GSTCD: variants seen among roughly 807,000 people sequenced by gnomAD.
GSTCD encodes glutathione S-transferase C-terminal domain containing.
GSTCD carries 44 observed loss-of-function variants against 68.3 expected under a neutral mutation model. The observed-to-expected ratio is 0.64, with a 90% CI of 0.51 to 0.83. The LOEUF (loss-of-function observed/expected upper bound fraction) is 0.83. Among genes scored for constraint, GSTCD ranks in the 40% least tolerant of loss-of-function variants. GSTCD has a pLI of 0.00. For synonymous variants in GSTCD, 273 were observed against 255.2 expected (o/e 1.07, Z -0.67); for missense variants, 739 against 735.9 (o/e 1.00, Z -0.05).
At chr4:105,813,394 C>T (rs1267309520) in intron 5 of GSTCD, among the ~76,000 whole-genome samples, 1 of 152,104 alleles carries the variant, frequency 6.6e-6, no homozygotes, top group Non-Finnish European at 1.5e-5. Context: ...AAATTCCATG[C>T]ATAAGTACTT....
At chr4:105,719,691 A>G in intron 3 of GSTCD, 164 bp downstream of exon 3, 1 of 586,778 alleles carries the variant, frequency 1.7e-6, no homozygotes, top group South Asian at 2.2e-5. Context: ...AATAGTACCT[A>G]TCTAAAAGGA....
chr4:105,748,885 A>C (rs1382383031), intron 5 of GSTCD, among the ~76,000 whole-genome samples: 1 of 152,060 alleles, frequency 6.6e-6, no homozygotes, highest in Non-Finnish European at 1.5e-5. Context: ...TACTGGGCAA[A>C]ATTGTCCATT....
intron 5 of GSTCD, chr4:105,820,604 A>G (rs1723237535): frequency 6.6e-6 from 1 of 152,000 alleles, no homozygotes; most frequent in Non-Finnish European, 1.5e-5. Context: ...TTATAAAACT[A>G]GAACGGGGAA....
intron 5 of GSTCD, among the ~76,000 whole-genome samples, chr4:105,773,237 T>C (rs1014728114): frequency 6.6e-6 from 1 of 152,168 alleles, no homozygotes; most frequent in Non-Finnish European, 1.5e-5. Flanking sequence ...TCTGTTTGAT[T>C]CTTCTCACTT....
chr4:105,715,093 A>AG (rs1160262901), intron 1 of GSTCD, among the ~76,000 whole-genome samples: 1 of 152,268 alleles, frequency 6.6e-6, no homozygotes, highest in African/African-American at 2.4e-5. Flanking sequence ...TGAAACACTT[A>AG]GGGGTGAGTC....
At chr4:105,775,159 T>C (rs1293002559) in intron 5 of GSTCD, among the ~76,000 whole-genome samples, 1 of 152,180 alleles carries the variant, frequency 6.6e-6, no homozygotes, top group African/African-American at 2.4e-5. Flanking sequence ...ATTGATACTT[T>C]TTTATGCGTC....
At chr4:105,833,052 A>C (rs1723957646) in intron 8 of GSTCD, among the ~76,000 whole-genome samples, 1 of 152,188 alleles carries the variant, frequency 6.6e-6, no homozygotes, top group South Asian at 2.1e-4. Context: ...GTAAGTCTAG[A>C]AGGAGGAGGA....
At chr4:105,829,470 C>T (rs1437404282) in intron 8 of GSTCD, among the ~76,000 whole-genome samples, 1 of 152,130 alleles carries the variant, frequency 6.6e-6, no homozygotes, top group Non-Finnish European at 1.5e-5. Flanking sequence ...ATTCACAGTT[C>T]CACATGGCTA....
intron 5 of GSTCD, among the ~76,000 whole-genome samples, chr4:105,765,647 C>G (rs938154531): frequency 6.6e-6 from 1 of 152,192 alleles, no homozygotes; most frequent in African/African-American, 2.4e-5. Flanking sequence ...TATGGCCTGG[C>G]TCTGTGTCCC....
At chr4:105,817,006 A>C (rs1368266576) in intron 5 of GSTCD, among the ~76,000 whole-genome samples, 3 of 152,108 alleles carry the variant, frequency 2.0e-5, no homozygotes, top group East Asian at 1.9e-4. Flanking sequence ...TCATATAAGC[A>C]GAAAGTATCC....
intron 2 of GSTCD, among the ~76,000 whole-genome samples, chr4:105,718,654 A>T (rs1176317834): frequency 6.6e-6 from 1 of 152,238 alleles, no homozygotes; most frequent in Non-Finnish European, 1.5e-5. Flanking sequence ...TTTAAGTCTT[A>T]ATTTATAAAG....
Position 105,743,320 on chromosome 4 carries a change from GT to G in GSTCD, c.1240+13829del, listed in dbSNP as rs78204927. On this transcript the variant is annotated intron_variant, in intron 5 of 11. Transcript: ENST00000515279. ...ATACGCTATAATTATTTATGTACAT[GT>G]TTTTTTTCTTCAATAGACTGTGAAC... is the stretch of plus-strand genomic sequence containing the variant. 1.8e-3 allele frequency among the ~76,000 whole-genome samples: 277 copies of G among 151,920 alleles called. 4 individuals are homozygous for G. In the East Asian group the frequency reaches 0.038, roughly 21 times the overall value.
intron 3 of GSTCD, among the ~76,000 whole-genome samples, chr4:105,725,613 A>G (rs868429348): frequency 6.6e-5 from 10 of 152,168 alleles, no homozygotes; most frequent in Middle Eastern, 3.4e-3. Flanking sequence ...CTTAGTTGCC[A>G]TCTGTGTATC....
chr4:105,722,177 T>TAC (rs899987561), intron 3 of GSTCD, among the ~76,000 whole-genome samples: 307 of 151,056 alleles, frequency 2.0e-3, no homozygotes, highest in African/African-American at 6.3e-3. Context: ...AATACACACA[T>TAC]ACACACACAC....
At chr4:105,808,612 A>G (rs1350951122) in intron 5 of GSTCD, among the ~76,000 whole-genome samples, 1 of 152,114 alleles carries the variant, frequency 6.6e-6, no homozygotes, top group Non-Finnish European at 1.5e-5. Context: ...GCCCCTGGCT[A>G]CTTCTTTGAT....
intron 5 of GSTCD, among the ~76,000 whole-genome samples, chr4:105,791,122 G>A (rs139438635): frequency 0.01 from 1,577 of 151,988 alleles, 53 homozygotes; most frequent in African/African-American, 0.036. Flanking sequence ...GGCCGGGCAC[G>A]GTGGTTCATG....
At chr4:105,814,411 G>A (rs1046332243) in intron 5 of GSTCD, among the ~76,000 whole-genome samples, 2 of 152,040 alleles carry the variant, frequency 1.3e-5, no homozygotes, top group African/African-American at 2.4e-5. Context: ...TCAGGAGTTC[G>A]AGACCAGCCT....
chr4:105,760,950 G>C (rs1734382555), intron 5 of GSTCD: 10 of 326,068 alleles, frequency 3.1e-5, no homozygotes, highest in South Asian at 2.4e-4. Flanking sequence ...AGAACTCCTG[G>C]ACAAAGAACC....
chr4:105,774,447 G>A (rs755539269), intron 5 of GSTCD, among the ~76,000 whole-genome samples: 11 of 152,110 alleles, frequency 7.2e-5, no homozygotes, highest in Non-Finnish European at 1.2e-4. Context: ...TCATAGTGTC[G>A]ATAATCTTCA....
Sources: gnomAD v4.1 joint callset for allele counts (sites outside exome capture counted in the v4.1 genomes callset) on GRCh38, gnomAD v4.1.1 for gene constraint, MANE v1.5 for transcripts, NCBI Gene and HGNC (gene_info 2026-07-23, HGNC 2026-07-21) for gene names.